Variants in SNX8 observed in about 807,000 individuals in gnomAD.
SNX8 encodes sorting nexin-8.
A neutral mutation model predicts 51.6 loss-of-function variants in SNX8; 25 were observed. The ratio of observed to expected loss-of-function variants is 0.48; its 90% CI spans 0.35 to 0.68. SNX8 has a LOEUF of 0.68. SNX8 is among the 30% of genes least tolerant of loss of function. SNX8 has a pLI of 0.00. For missense variants in SNX8, 695 were observed against 624.0 expected, an observed-to-expected ratio of 1.11 and a Z score of -1.21; for synonymous variants, 324 against 277.0, an observed-to-expected ratio of 1.17 and a Z score of -1.68.
chr7:2,263,433 C>A, intron 6 of SNX8, 71 bp from the exon 7 acceptor site: 2 of 1,405,970 alleles, frequency 1.4e-6, no homozygotes, highest in Non-Finnish European at 1.9e-6. Context: ...AGTCTGGCAT[C>A]CCCCCCGACA....
intron 7 of SNX8, among the ~76,000 whole-genome samples, chr7:2,260,747 T>C (rs1795315874): frequency 6.6e-6 from 1 of 152,116 alleles, no homozygotes; most frequent in South Asian, 2.1e-4. Context: ...AAAGCTCAAT[T>C]TCACTACAAC....
rs988035956 is a variant in SNX8 at position 2,278,094 on chromosome 7, A to G, written c.300+6T>C. The G allele has an allele frequency of 1.2e-6, 2 of 1,611,748 alleles. No homozygotes were observed. The highest frequency in any genetic ancestry group is 2.7e-5 in the African/African-American group (2 of 74,882). On this transcript the variant is annotated splice_donor_region_variant and intron_variant, in intron 2 of 10. Coordinates refer to ENST00000222990, the MANE Select transcript of SNX8 (RefSeq NM_013321.4). ...TGCCCCGACACACACACAATTTGCC[A>G]GTTACCTGGCTGGAAACCTCATACT... is the stretch of plus-strand genomic sequence containing the variant.
At chr7:2,291,166 G>T (rs1584708655) in intron 1 of SNX8, among the ~76,000 whole-genome samples, 1 of 152,084 alleles carries the variant, frequency 6.6e-6, no homozygotes, top group Admixed American at 6.6e-5. Flanking sequence ...CAGGCGTGGT[G>T]GTGTGAATCT....
chr7:2,351,977 C>T (rs1442975209), intron 1 of SNX8, among the ~76,000 whole-genome samples: 4 of 142,704 alleles, frequency 2.8e-5, no homozygotes, highest in East Asian at 2.1e-4. Context: ...GTGCAATCTC[C>T]GCTCACTACG....
intron 1 of SNX8, among the ~76,000 whole-genome samples, chr7:2,295,432 C>T (rs1207715679): frequency 6.8e-6 from 1 of 146,910 alleles, no homozygotes; most frequent in Non-Finnish European, 1.5e-5. Flanking sequence ...AGGCCAGGCA[C>T]GGAGGCACAC....
intron 4 of SNX8, among the ~76,000 whole-genome samples, chr7:2,271,363 A>G (rs1795640534): frequency 6.6e-6 from 1 of 152,350 alleles, no homozygotes; most frequent in East Asian, 1.9e-4. Flanking sequence ...TTGACACACA[A>G]TAAGGCTGTG....
chr7:2,322,355 G>A (rs1203260018), intron 1 of SNX8, among the ~76,000 whole-genome samples: 2 of 152,018 alleles, frequency 1.3e-5, no homozygotes, highest in African/African-American at 4.8e-5. Flanking sequence ...CTATGATTGT[G>A]CCACCGTATT....
chr7:2,318,846 T>TAA (rs58345834), upstream of SNX8, among the ~76,000 whole-genome samples: 1 of 131,424 alleles, frequency 7.6e-6, no homozygotes, highest in Non-Finnish European at 1.7e-5. Flanking sequence ...ACCCCATCTC[T>TAA]AAAAAAAAAA....
chr7:2,266,548 T>C (rs953771722), intron 5 of SNX8, among the ~76,000 whole-genome samples: 3 of 152,096 alleles, frequency 2.0e-5, no homozygotes, highest in Non-Finnish European at 4.4e-5. Context: ...GGTTTCACCA[T>C]GTTAGTCAGG....
At chr7:2,281,720 C>T (rs941557735) in intron 1 of SNX8, among the ~76,000 whole-genome samples, 6 of 152,124 alleles carry the variant, frequency 3.9e-5, no homozygotes, top group Non-Finnish European at 5.9e-5. Flanking sequence ...AGGCTGTGGA[C>T]GCAGGATGGG....
At chr7:2,268,598 G>T (rs1478148213) in intron 5 of SNX8, among the ~76,000 whole-genome samples, 82 of 127,978 alleles carry the variant, frequency 6.4e-4, no homozygotes, top group Middle Eastern at 4.5e-3. Context: ...GGAGGGAGGT[G>T]GGGGGGTCAG....
At chr7:2,261,394 C>T (rs1189227424) in intron 7 of SNX8, among the ~76,000 whole-genome samples, 1 of 152,232 alleles carries the variant, frequency 6.6e-6, no homozygotes, top group Non-Finnish European at 1.5e-5. Flanking sequence ...GATCACACCA[C>T]TGCCCTCCAG....
At chr7:2,308,914 C>T (rs1004797921) in intron 1 of SNX8, among the ~76,000 whole-genome samples, 1 of 151,742 alleles carries the variant, frequency 6.6e-6, no homozygotes, top group Non-Finnish European at 1.5e-5. Flanking sequence ...CTCAGCCTCC[C>T]GAGTAGCTGG....
At chr7:2,340,548 T>C (rs922265652) in intron 1 of SNX8, among the ~76,000 whole-genome samples, 2 of 151,820 alleles carry the variant, frequency 1.3e-5, no homozygotes, top group Admixed American at 1.3e-4. Flanking sequence ...ACTGCATGCA[T>C]ACTTTAGTTG....
intron 1 of SNX8, among the ~76,000 whole-genome samples, chr7:2,349,130 G>A (rs1042207986): frequency 1.3e-5 from 2 of 149,656 alleles, no homozygotes; most frequent in African/African-American, 2.5e-5. Flanking sequence ...CTTGAACCTG[G>A]GAGGTGGAGG....
At chr7:2,299,308 C>T (rs1796341979) in intron 1 of SNX8, 1 of 152,098 alleles carries the variant, frequency 6.6e-6, no homozygotes, top group Non-Finnish European at 1.5e-5. Context: ...ACTGGTTCCA[C>T]GTCACAAAAC....
chr7:2,311,909 C>CA (rs1402701812), intron 1 of SNX8, among the ~76,000 whole-genome samples: 1 of 151,876 alleles, frequency 6.6e-6, no homozygotes, highest in African/African-American at 2.4e-5. Flanking sequence ...TGCACTCCAG[C>CA]CTGGGCGACA....
rs1795069597 is a variant in SNX8, at chr7:2,252,701, CT to C, written c.*2354del. 2 of 137,726 alleles carry C rather than the reference CT, an allele frequency of 1.5e-5. No homozygotes were observed. The highest frequency in any genetic ancestry group is 3.2e-5 in the Non-Finnish European group (2 of 62,776). The allele number at this position is 137,726 out of a possible 1,614,324, so 8.5% of individuals were successfully genotyped here. A position where few individuals can be genotyped will look rare whatever the true frequency, so the allele number is the denominator to read the frequency against. The stretch of plus-strand genomic sequence containing the variant: ...CCACCTCCCTCCTGCCTTCCCACCC[CT>C]GCCCTCTTGCTCTCCTCACCCCTGC... On this transcript the variant is annotated 3_prime_UTR_variant, in exon 11 of 11. Transcript: ENST00000222990.
chr7:2,311,073 A>G (rs1257383236), intron 1 of SNX8, among the ~76,000 whole-genome samples: 1 of 152,212 alleles, frequency 6.6e-6, no homozygotes, highest in Non-Finnish European at 1.5e-5. Flanking sequence ...TTTTATAAAG[A>G]GGGTTGCCCT....
Sources: gnomAD v4.1 joint callset for allele counts (sites outside exome capture counted in the v4.1 genomes callset) on GRCh38, gnomAD v4.1.1 for gene constraint, MANE v1.5 for transcripts, NCBI Gene and HGNC (gene_info 2026-07-23, HGNC 2026-07-21) for gene names.